FLRT1: variants seen among roughly 807,000 people sequenced by gnomAD.
FLRT1 encodes fibronectin leucine rich transmembrane protein 1.
Under a neutral mutation model 30.9 loss-of-function variants are expected in FLRT1, and 14 were observed. The observed-to-expected ratio is 0.45, with a 90% CI of 0.30 to 0.71. The LOEUF is 0.71. Among genes scored for constraint, FLRT1 ranks in the 30% least tolerant of loss-of-function variants. The pLI is 0.08. For synonymous variants in FLRT1, 368 were observed against 430.4 expected (o/e 0.85, Z 1.80); for missense variants, 737 against 949.2 (o/e 0.78, Z 2.94).
At chr11:64,044,573 C>G (rs1943549243) in intron 1 of FLRT1, among the ~76,000 whole-genome samples, 1 of 152,166 alleles carries the variant, frequency 6.6e-6, no homozygotes, top group African/African-American at 2.4e-5. Context: ...CTATTATTAT[C>G]CTGATTTTAC....
intron 1 of FLRT1, among the ~76,000 whole-genome samples, chr11:64,071,563 A>G (rs114860191): frequency 0.01 from 1,524 of 152,020 alleles, 20 homozygotes; most frequent in African/African-American, 0.034. Flanking sequence ...AGGGTGGGAA[A>G]CCTTGCCCCT....
chr11:64,104,770 C>T (rs1052158348), intron 2 of FLRT1, among the ~76,000 whole-genome samples: 4 of 152,178 alleles, frequency 2.6e-5, no homozygotes, highest in Non-Finnish European at 5.9e-5. Flanking sequence ...TTGTTGGTTA[C>T]TGGAGCAAGC....
chr11:64,055,502 C>T (rs1466733015), intron 1 of FLRT1, among the ~76,000 whole-genome samples: 2 of 152,146 alleles, frequency 1.3e-5, no homozygotes, highest in African/African-American at 4.8e-5. Flanking sequence ...GCTCCCCTGC[C>T]CCATTAGGGG....
At position 64,116,288 on chromosome 11, in the gene FLRT1, CG is replaced by C; in HGVS notation, c.22del (p.Ala8ProfsTer16). 1 of 1,600,774 alleles carries C rather than the reference CG, an allele frequency of 6.2e-7. No homozygotes were observed. ...CCACCATGGTGGTGGCACACCCCAC[CG>C]CCACTGCCACCACCACGCCCACTGC... MVVAHPT[A>X]TATTTPTATV... On this transcript the variant is annotated frameshift_variant, in exon 3 of 3. Coordinates refer to ENST00000682287, the MANE Select transcript of FLRT1 (RefSeq NM_013280.5). LOFTEE classifies it high-confidence loss of function.
intron 1 of FLRT1, among the ~76,000 whole-genome samples, chr11:64,102,882 T>C (rs982839868): frequency 2.6e-5 from 4 of 151,744 alleles, no homozygotes; most frequent in African/African-American, 9.7e-5. Flanking sequence ...ATCTGGCCAA[T>C]ATGGTGAAAC....
At chr11:64,102,995 T>C (rs1165992313) in intron 1 of FLRT1, among the ~76,000 whole-genome samples, 199 bp from the exon 2 acceptor site, 2 of 151,272 alleles carry the variant, frequency 1.3e-5, no homozygotes, top group Non-Finnish European at 2.9e-5. Context: ...CGGTTGAACC[T>C]GGGAGGCAGA....
chr11:64,111,666 G>A (rs192745184), intron 2 of FLRT1, among the ~76,000 whole-genome samples: 202 of 152,310 alleles, frequency 1.3e-3, no homozygotes, highest in African/African-American at 4.5e-3. Flanking sequence ...GGGGGTGGGT[G>A]AGGTCTGGCC....
intron 1 of FLRT1, among the ~76,000 whole-genome samples, chr11:64,059,284 AG>A (rs972352260): frequency 6.6e-6 from 1 of 152,084 alleles, no homozygotes; most frequent in Non-Finnish European, 1.5e-5. Flanking sequence ...CCCTGTGAAG[AG>A]GGTCTTGCGG....
chr11:64,101,640 G>A (rs1944672824), intron 1 of FLRT1, among the ~76,000 whole-genome samples: 1 of 152,148 alleles, frequency 6.6e-6, no homozygotes. Context: ...ATTTATAATT[G>A]GATGAAATCA....
At position 64,082,264 on chromosome 11, in the gene FLRT1, TG is replaced by T. The variant is rs992594968; in HGVS notation, c.-1037-20924del. ...CTGCTTAGCAGAGGATGGCTGAGCC[TG>T]GGGGGTGGAGAAAATCTTGCCTCCT... On this transcript the variant is annotated intron_variant, in intron 1 of 2. Transcript: ENST00000682287. This position sits in a 1 kb window ranked among gnomAD's most constrained non-coding sequence, Gnocchi z 4.5. Among the ~76,000 whole-genome samples, 1 of 151,778 alleles carries T rather than the reference TG, an allele frequency of 6.6e-6. No individual in the cohort carries two copies. Among genetic ancestry groups the T allele is most frequent in the South Asian group, 2.1e-4 (1 of 4,796 alleles).
chr11:64,078,566 G>A (rs1482284160), intron 1 of FLRT1, among the ~76,000 whole-genome samples: 4 of 152,196 alleles, frequency 2.6e-5, no homozygotes, highest in Non-Finnish European at 5.9e-5. Flanking sequence ...GTGTGAGCGC[G>A]GCCCTGTGCC....
chr11:64,057,247 C>T (rs1050914618), intron 1 of FLRT1, among the ~76,000 whole-genome samples: 10 of 152,352 alleles, frequency 6.6e-5, no homozygotes, highest in South Asian at 2.1e-4. Context: ...ACGTAGGGGA[C>T]GGGACAGCCC....
chr11:64,116,150 T>A lies in FLRT1; in HGVS notation c.-49-69T>A, dbSNP rs1944974847. On this transcript the variant is annotated intron_variant, in intron 2 of 2. Transcript: ENST00000682287. ...GTACAGGCTGGCAGGTGGGAGGGAA[T>A]GCACGATTCACTCCTGGGGTCGCTG... 5 of 1,446,356 alleles carry A rather than the reference T, an allele frequency of 3.5e-6. No homozygotes were observed. In the East Asian group the frequency reaches 1.2e-4, roughly 34 times the overall value. 89.6% of individuals were successfully genotyped at this position (1,446,356 alleles called of 1,614,324 possible).
chr11:64,100,486 G>A (rs1296122039), intron 1 of FLRT1, among the ~76,000 whole-genome samples: 1 of 152,206 alleles, frequency 6.6e-6, no homozygotes, highest in Non-Finnish European at 1.5e-5. Flanking sequence ...AGGCCAAGGC[G>A]AGGAGTGTAA....
chr11:64,042,214 C>T (rs1943501222), intron 1 of FLRT1, among the ~76,000 whole-genome samples: 2 of 152,202 alleles, frequency 1.3e-5, no homozygotes, highest in African/African-American at 4.8e-5. Context: ...ACCTAACCCA[C>T]CTTCCTCTCC....
At chr11:64,057,398 G>A (rs1181012680) in intron 1 of FLRT1, among the ~76,000 whole-genome samples, 1 of 152,206 alleles carries the variant, frequency 6.6e-6, no homozygotes, top group Admixed American at 6.5e-5. Flanking sequence ...AACCTCATGG[G>A]GAGTGACCCA....
chr11:64,061,227 T>C (rs888753974), intron 1 of FLRT1, among the ~76,000 whole-genome samples: 7 of 152,212 alleles, frequency 4.6e-5, no homozygotes, highest in Admixed American at 2.0e-4. Context: ...ATAAATGCAT[T>C]TGGAGTAATC....
chr11:64,117,898 A>G lies in FLRT1; in HGVS notation c.1631A>G (p.Asn544Ser), dbSNP rs752665635. The G allele has an allele frequency of 3.1e-6, 5 of 1,613,916 alleles. No homozygotes were observed. Among genetic ancestry groups the G allele is most frequent in the South Asian group, 1.1e-5 (1 of 91,080 alleles). Residue 544 changes from asparagine to serine, a missense_variant, in exon 3 of 3, where the codon AAC (asparagine) becomes AGC (serine). Coordinates refer to ENST00000682287, the MANE Select transcript of FLRT1 (RefSeq NM_013280.5). Reference protein sequence around the residue: ...GPTTTLNQEQNAGPMASLPLA... With the variant: ...GPTTTLNQEQSAGPMASLPLA... Reference sequence around the variant, plus strand: ...ACCACCACACTCAACCAGGAGCAGAACGCTGGCCCCATGGCGAGCCTGCCC... The same window carrying G: ...ACCACCACACTCAACCAGGAGCAGAGCGCTGGCCCCATGGCGAGCCTGCCC...
chr11:64,077,544 C>T (rs967326874), intron 1 of FLRT1, among the ~76,000 whole-genome samples: 4 of 151,132 alleles, frequency 2.6e-5, no homozygotes, highest in Non-Finnish European at 4.4e-5. Context: ...AGGTGAGGGG[C>T]GGGGCAGGGG....
Sources: allele counts gnomAD v4.1 joint callset (sites outside exome capture counted in the v4.1 genomes callset), GRCh38; gene constraint gnomAD v4.1.1; non-coding constraint Gnocchi (gnomAD v3.1); transcripts MANE v1.5; gene names NCBI Gene and HGNC (gene_info 2026-07-23, HGNC 2026-07-21).